Variants in ITGB6 observed in about 807,000 individuals in gnomAD.
ITGB6 encodes the protein integrin beta-6.
ITGB6 carries 80 observed loss-of-function variants against 84.5 expected under a neutral mutation model. The ratio of observed to expected loss-of-function variants is 0.95; its 90% confidence interval spans 0.79 to 1.14. The LOEUF (loss-of-function observed/expected upper bound fraction) is 1.14. Among genes scored for constraint, ITGB6 ranks in the 50% most tolerant of loss-of-function variants. The pLI is 0.00. For missense variants in ITGB6, 1,006 were observed against 968.0 expected, an observed-to-expected ratio of 1.04 and a Z score of -0.52; for synonymous variants, 383 against 354.9, an observed-to-expected ratio of 1.08 and a Z score of -0.89.
intron 7 of ITGB6, among the ~76,000 whole-genome samples, chr2:160,154,251 C>T (rs59068203): frequency 6.6e-6 from 1 of 152,244 alleles, no homozygotes; most frequent in African/African-American, 2.4e-5. Flanking sequence ...TACTATGCAG[C>T]CATAAAAAAG....
chr2:160,164,718 T>C (rs538996467), intron 7 of ITGB6, among the ~76,000 whole-genome samples: 82 of 152,264 alleles, frequency 5.4e-4, no homozygotes, highest in African/African-American at 1.9e-3. Flanking sequence ...AATCCCATTT[T>C]ATATTTCTAC....
chr2:160,143,990 T>C (rs1435076990), intron 7 of ITGB6, among the ~76,000 whole-genome samples: 2 of 152,316 alleles, frequency 1.3e-5, no homozygotes, highest in East Asian at 3.9e-4. Context: ...GTGGTCACGA[T>C]TGTGTTGAAG....
intron 13 of ITGB6, 83 bp downstream of exon 13, chr2:160,111,997 G>A: frequency 2.2e-6 from 3 of 1,381,306 alleles, no homozygotes; most frequent in Non-Finnish European, 3.0e-6. Flanking sequence ...TTCCTGGCAT[G>A]CTACCCAGAG....
intron 6 of ITGB6, among the ~76,000 whole-genome samples, chr2:160,171,571 G>T (rs1044076872): frequency 2.0e-5 from 3 of 152,044 alleles, no homozygotes; most frequent in Non-Finnish European, 4.4e-5. Context: ...TCCTGACCTC[G>T]TGATCCACCG....
chr2:160,118,971 T>C (rs1020885180), intron 12 of ITGB6, among the ~76,000 whole-genome samples: 17 of 151,986 alleles, frequency 1.1e-4, no homozygotes, highest in East Asian at 7.7e-4. Context: ...ATGTGAAGGA[T>C]CTCTTCAAGG....
chr2:160,150,335 A>T (rs959673207), intron 7 of ITGB6, among the ~76,000 whole-genome samples: 1 of 152,278 alleles, frequency 6.6e-6, no homozygotes, highest in East Asian at 1.9e-4. Flanking sequence ...TTTCAACCCA[A>T]AATTTCATAT....
chr2:160,149,602 C>T (rs545682236), intron 7 of ITGB6, among the ~76,000 whole-genome samples: 4 of 152,256 alleles, frequency 2.6e-5, no homozygotes, highest in Admixed American at 1.3e-4. Flanking sequence ...GACAGAGAAT[C>T]ACTTTGACAA....
At chr2:160,136,549 G>T (rs1263402646) in intron 10 of ITGB6, among the ~76,000 whole-genome samples, 9 of 152,108 alleles carry the variant, frequency 5.9e-5, no homozygotes. Flanking sequence ...TCCCATTACT[G>T]GGTATATACC....
intron 8 of ITGB6, 90 bp downstream of exon 8, chr2:160,141,892 C>G (rs1194304191): frequency 2.6e-6 from 2 of 782,926 alleles, no homozygotes; most frequent in Admixed American, 5.3e-5. Flanking sequence ...TCTCTACCAA[C>G]AAGTAACTAA....
chr2:160,199,966 A>G, intron 1 of ITGB6, 37 bp downstream of exon 1: 2 of 1,513,814 alleles, frequency 1.3e-6, no homozygotes, highest in Non-Finnish European at 1.8e-6. Flanking sequence ...TGTCAAGCAT[A>G]CCACGAAAGT....
chr2:160,123,727 G>C (rs1343236516), intron 12 of ITGB6, 64 bp downstream of exon 12: 1 of 1,242,220 alleles, frequency 8.1e-7, no homozygotes. Context: ...TTCACAGAGG[G>C]TCAAGAACTA....
chr2:160,114,287 C>G (rs866615981), intron 12 of ITGB6, among the ~76,000 whole-genome samples: 1 of 152,126 alleles, frequency 6.6e-6, no homozygotes, highest in Admixed American at 6.5e-5. Flanking sequence ...AAATGTGCAA[C>G]GACAGATTTG....
chr2:160,188,210 A>G (rs1328559008), intron 4 of ITGB6, among the ~76,000 whole-genome samples: 2 of 152,146 alleles, frequency 1.3e-5, no homozygotes, highest in African/African-American at 2.4e-5. Context: ...CTACAATTAT[A>G]AGGTTTGGTT....
intron 14 of ITGB6, among the ~76,000 whole-genome samples, chr2:160,105,485 C>T (rs199820117): frequency 6.6e-6 from 1 of 152,136 alleles, no homozygotes; most frequent in Admixed American, 6.5e-5. Context: ...TGCCCAAGTG[C>T]GTGTTTGTGG....
chr2:160,122,534 G>A lies in ITGB6; in HGVS notation c.1981+1257C>T, dbSNP rs1457082581. Reference sequence around the variant, plus strand: ...CTGTGAAATGAGCCCAGAAGGTGATGCTAGGACTTTGCACCAGGTACTAAT... The same window carrying A: ...CTGTGAAATGAGCCCAGAAGGTGATACTAGGACTTTGCACCAGGTACTAAT... On this transcript the variant is annotated intron_variant, in intron 12 of 14. Coordinates refer to ENST00000283249, the MANE Select transcript of ITGB6 (RefSeq NM_000888.5). Among the ~76,000 whole-genome samples, 3 of 152,148 alleles carry A rather than the reference G, an allele frequency of 2.0e-5. No individual in the cohort carries two copies. In the East Asian group the frequency reaches 5.8e-4, roughly 29 times the overall value.
intron 12 of ITGB6, among the ~76,000 whole-genome samples, chr2:160,121,043 TA>T (rs1683015651): frequency 6.6e-6 from 1 of 151,556 alleles, no homozygotes; most frequent in African/African-American, 2.4e-5. Flanking sequence ...ACATGTACCC[TA>T]AAACTTAAAG....
intron 12 of ITGB6, among the ~76,000 whole-genome samples, chr2:160,121,081 A>G (rs1419798036): frequency 6.6e-6 from 1 of 152,196 alleles, no homozygotes; most frequent in Non-Finnish European, 1.5e-5. Context: ...TTTAAAAAAA[A>G]GAAAAAGAAA....
intron 13 of ITGB6, among the ~76,000 whole-genome samples, chr2:160,111,013 T>C (rs769224290): frequency 6.6e-6 from 1 of 152,160 alleles, no homozygotes; most frequent in Non-Finnish European, 1.5e-5. Flanking sequence ...ATAAAAAGCA[T>C]CAGGGCATCT....
chr2:160,117,025 T>A (rs538842560), intron 12 of ITGB6, among the ~76,000 whole-genome samples: 7,094 of 150,152 alleles, frequency 0.047, 506 homozygotes, highest in African/African-American at 0.16. Flanking sequence ...AAGTCCTTAG[T>A]GACCCACAAA....
Sources: allele counts gnomAD v4.1 joint callset (sites outside exome capture counted in the v4.1 genomes callset), GRCh38; gene constraint gnomAD v4.1.1; transcripts MANE v1.5; gene names NCBI Gene and HGNC (gene_info 2026-07-23, HGNC 2026-07-21).